The following MON2 variants were observed in gnomAD, a reference collection of about 807,000 sequenced individuals.
MON2 encodes the protein protein MON2 homolog.
Under a neutral mutation model 208.6 loss-of-function variants are expected in MON2, and 84 were observed. The observed-to-expected ratio is 0.40, with a 90% CI of 0.34 to 0.48. The LOEUF (loss-of-function observed/expected upper bound fraction) is 0.48, where lower values mean the gene tolerates loss of function less well. Ranked by LOEUF, MON2 falls within the 20% of genes least tolerant of loss-of-function variation. MON2 has a pLI of 0.59. For synonymous variants in MON2, 660 were observed against 694.0 expected (o/e 0.95, Z 0.77); for missense variants, 1,611 against 2,015.4 (o/e 0.80, Z 3.84).
At chr12:62,533,413 TA>T in intron 12 of MON2, among the ~76,000 whole-genome samples, 1 of 152,342 alleles carries the variant, frequency 6.6e-6, no homozygotes, top group South Asian at 2.1e-4. Flanking sequence ...TTTTATTTTT[TA>T]AAAATTATTC....
intron 8 of MON2, among the ~76,000 whole-genome samples, chr12:62,514,493 G>A (rs960947908): frequency 7.9e-5 from 12 of 152,192 alleles, no homozygotes; most frequent in South Asian, 2.1e-4. Flanking sequence ...CACAAATGGT[G>A]GTAGACACAA....
chr12:62,494,981 A>G, intron 3 of MON2, 35 bp from the exon 4 acceptor site: 1 of 1,532,254 alleles, frequency 6.5e-7, no homozygotes, highest in Middle Eastern at 2.1e-4. Context: ...TCTATATTGT[A>G]TTTGTTGACA....
At chr12:62,490,499 T>C (rs1379687585) in intron 2 of MON2, among the ~76,000 whole-genome samples, 1 of 152,108 alleles carries the variant, frequency 6.6e-6, no homozygotes, top group Non-Finnish European at 1.5e-5. Flanking sequence ...ATTAAAGTTA[T>C]TGTGGAGAGT....
intron 34 of MON2, among the ~76,000 whole-genome samples, 159 bp downstream of exon 34, chr12:62,588,315 T>C (rs2075284475): frequency 6.6e-6 from 1 of 152,192 alleles, no homozygotes; most frequent in Non-Finnish European, 1.5e-5. Context: ...CATTAGGATG[T>C]CAATTAAGTA....
At chr12:62,499,865 T>C (rs2136076256) in intron 5 of MON2, among the ~76,000 whole-genome samples, 1 of 151,682 alleles carries the variant, frequency 6.6e-6, no homozygotes, top group South Asian at 2.1e-4. Context: ...ACAGCAAGAC[T>C]CCATCTCAAA....
chr12:62,495,018 T>G lies in MON2; in HGVS notation c.306T>G (p.Thr102=). The change falls in exon 4 of 35, where the codon ACT becomes ACG. Residue 102 remains threonine, a splice_region_variant and synonymous_variant. Transcript: ENST00000393630. ...RLMSHEVVSE[T]AAGNIINMLW... is the part of the protein sequence containing the mutation. ...TAATTAAAATAACTATTTTACAGACTGCAGCTGGAAATATAATTAACATGC... is the reference window on the plus strand; with the variant it reads ...TAATTAAAATAACTATTTTACAGACGGCAGCTGGAAATATAATTAACATGC... 6.2e-7 allele frequency: 1 copy of G among 1,603,850 alleles called. No homozygotes were observed. Among genetic ancestry groups the G allele is most frequent in the African/African-American group, 1.3e-5 (1 of 74,788 alleles).
chr12:62,571,246 C>T (rs1024056224), intron 29 of MON2, 146 bp from the exon 30 acceptor site: 82 of 618,910 alleles, frequency 1.3e-4, no homozygotes, highest in Non-Finnish European at 5.9e-5. Flanking sequence ...GGCCTTTCTG[C>T]GAAATAACAT....
intron 8 of MON2, chr12:62,508,809 C>T (rs1045057572): frequency 4.4e-6 from 1 of 225,210 alleles, no homozygotes; most frequent in African/African-American, 2.3e-5. Context: ...TCAGTTTATT[C>T]TGCTTTCATT....
intron 11 of MON2, among the ~76,000 whole-genome samples, chr12:62,526,485 A>G (rs562292303): frequency 2.0e-5 from 3 of 152,128 alleles, no homozygotes; most frequent in East Asian, 1.9e-4. Flanking sequence ...TCTCTCATCT[A>G]TACAATGGGA....
intron 11 of MON2, among the ~76,000 whole-genome samples, chr12:62,526,777 C>T (rs908585714): frequency 5.9e-5 from 9 of 152,082 alleles, no homozygotes; most frequent in Admixed American, 5.9e-4. Context: ...TTTAACATTG[C>T]TATAGTTACT....
At chr12:62,522,724 A>T (rs752331222) in intron 8 of MON2, among the ~76,000 whole-genome samples, 3 of 152,200 alleles carry the variant, frequency 2.0e-5, no homozygotes, top group Non-Finnish European at 2.9e-5. Context: ...ACAGATTCAT[A>T]GTAGGTTTTC....
In MON2 at chr12:62,571,074, T is replaced by C. The variant is rs1305007868; in HGVS notation, c.4324-318T>C. On this transcript the variant is annotated intron_variant, in intron 29 of 34. Coordinates refer to ENST00000393630, the MANE Select transcript of MON2 (RefSeq NM_015026.3). ...CATCGGGTTAAGAAAAGGTACAGAA[T>C]TGTGTTTCCTTCTCTTAACTTTTCA... is the stretch of plus-strand genomic sequence containing the variant. Among the ~76,000 whole-genome samples, 5 of 152,122 alleles carry C rather than the reference T, an allele frequency of 3.3e-5. No individual in the cohort carries two copies. The South Asian group carries it at 8.3e-4, about 25-fold the overall frequency.
chr12:62,476,822 G>T (rs1011348711), intron 1 of MON2, among the ~76,000 whole-genome samples: 3 of 152,128 alleles, frequency 2.0e-5, no homozygotes, highest in Non-Finnish European at 4.4e-5. Context: ...TAATATCCAG[G>T]TTTTATTCTC....
chr12:62,537,718 T>C lies in MON2; in HGVS notation c.2118+12T>C. ...TGGCAACTCTTCAGGTATGTAAAAG[T>C]GTCTAGGTCAGAGATTAGTGTTGTT... On this transcript the variant is annotated intron_variant, in intron 16 of 34. Coordinates refer to ENST00000393630, the MANE Select transcript of MON2 (RefSeq NM_015026.3). The C allele has an allele frequency of 6.3e-7, 1 of 1,574,856 alleles. No homozygotes were observed. The highest frequency in any genetic ancestry group is 8.7e-7 in the Non-Finnish European group (1 of 1,149,758).
chr12:62,532,772 T>A (rs1004554077), intron 12 of MON2, 102 bp downstream of exon 12: 14 of 805,986 alleles, frequency 1.7e-5, no homozygotes, highest in African/African-American at 6.9e-5. Flanking sequence ...TCTCAAGTGT[T>A]AACCACTTTC....
At chr12:62,590,094 G>GT (rs2075348215) in intron 34 of MON2, among the ~76,000 whole-genome samples, 1 of 151,946 alleles carries the variant, frequency 6.6e-6, no homozygotes, top group Non-Finnish European at 1.5e-5. Flanking sequence ...AGATTTTTTG[G>GT]TTTTTGTCTT....
chr12:62,534,910 C>T lies in MON2; in HGVS notation c.1699C>T (p.Leu567Phe), dbSNP rs757759523. 7 of 1,611,412 alleles carry T rather than the reference C, an allele frequency of 4.3e-6. No individual in the cohort carries two copies. ...CWCGLLAALS[L>F]LLDASTDEAA... ...GTGTGGTCTTCTTGCTGCACTCTCA[C>T]TCCTTCTTGATGCCAGGTATTAAGT... Residue 567 changes from leucine (L) to phenylalanine (F), a missense_variant, in exon 13 of 35, where the codon CTC becomes TTC. Coordinates refer to ENST00000393630, the MANE Select transcript of MON2 (RefSeq NM_015026.3).
chr12:62,567,394 T>C (rs2136383544), intron 29 of MON2, among the ~76,000 whole-genome samples: 1 of 152,338 alleles, frequency 6.6e-6, no homozygotes, highest in South Asian at 2.1e-4. Flanking sequence ...TTTATTTCCA[T>C]ATCCCTTAAA....
In MON2 at chr12:62,560,649, G is replaced by C; in HGVS notation, c.3568G>C (p.Val1190Leu). 1 of 1,614,060 alleles carries C rather than the reference G, an allele frequency of 6.2e-7. No homozygotes were observed. The highest frequency in any genetic ancestry group is 2.2e-5 in the East Asian group (1 of 44,860). The part of the protein sequence containing the change: ...RDSDKPETPP[V>L]VNVPVPVLIG... ...CTCAGATAAGCCTGAGACACCACCT[G>C]TAGTTAATGTACCTGTGCCTGTTCT... Residue 1190 changes from valine to leucine, a missense_variant, in exon 26 of 35, where the codon GTA becomes CTA. By Grantham distance (32) the Val-to-Leu change is conservative. Coordinates refer to ENST00000393630, the MANE Select transcript of MON2 (RefSeq NM_015026.3).
Sources: allele counts gnomAD v4.1 joint callset (sites outside exome capture counted in the v4.1 genomes callset), GRCh38; gene constraint gnomAD v4.1.1; transcripts MANE v1.5; gene names NCBI Gene and HGNC (gene_info 2026-07-23, HGNC 2026-07-21).